FXR2: variants seen among roughly 807,000 people sequenced by gnomAD.
FXR2 encodes the protein FMR1 autosomal homolog 2.
A neutral mutation model predicts 87.3 loss-of-function variants in FXR2; 9 were observed. The observed-to-expected ratio is 0.10, with a 90% confidence interval of 0.06 to 0.18. The LOEUF is 0.18. FXR2 is among the 10% of genes least tolerant of loss of function. The pLI, the probability that FXR2 is intolerant of heterozygous loss-of-function variation, is 1.00. For synonymous variants in FXR2, 331 were observed against 328.3 expected (o/e 1.01, Z -0.09); for missense variants, 661 against 893.6 (o/e 0.74, Z 3.32).
At chr17:7,613,017 A>T (rs1012459922) in intron 1 of FXR2, among the ~76,000 whole-genome samples, 4 of 151,386 alleles carry the variant, frequency 2.6e-5, no homozygotes, top group African/African-American at 9.7e-5. Context: ...AAAAAAAAAA[A>T]AAAAATGACT....
At chr17:7,598,587 G>C (rs73242239) in intron 7 of FXR2, among the ~76,000 whole-genome samples, 49,040 of 152,020 alleles carry the variant, frequency 0.32, 8,348 homozygotes, top group African/African-American at 0.42. Context: ...CTCTCTGACC[G>C]AATTTTGTAT....
chr17:7,606,394 TG>T (rs2071803500), intron 1 of FXR2, among the ~76,000 whole-genome samples: 1 of 152,200 alleles, frequency 6.6e-6, no homozygotes, highest in Non-Finnish European at 1.5e-5. Flanking sequence ...TGGAAACCAA[TG>T]ATCTACTCAG....
At chr17:7,611,112 G>A (rs575378171) in intron 1 of FXR2, among the ~76,000 whole-genome samples, 1 of 152,202 alleles carries the variant, frequency 6.6e-6, no homozygotes, top group Non-Finnish European at 1.5e-5. Flanking sequence ...CGCCCTGGAC[G>A]GTGAATACTT....
chr17:7,602,483 G>A (rs150688657), intron 6 of FXR2, among the ~76,000 whole-genome samples: 11,734 of 152,090 alleles, frequency 0.077, 635 homozygotes, highest in Middle Eastern at 0.26. Context: ...CAGGAGAATC[G>A]CTTCAATCTG....
chr17:7,592,759 T>C lies in FXR2; in HGVS notation c.1664A>G (p.Glu555Gly), dbSNP rs760419367. The C allele has an allele frequency of 2.5e-6, 4 of 1,612,974 alleles. No individual in the cohort carries two copies. Among genetic ancestry groups the C allele is most frequent in the Middle Eastern group, 1.7e-4 (1 of 6,056 alleles). The change falls in exon 14 of 17, where the codon GAA becomes GGA. Residue 555 changes from glutamate to glycine, a missense_variant. Physicochemically the swap from Glu to Gly is moderately conservative, Grantham distance 98. Around this residue, in one of 3 missense-constraint regions of FXR2, gnomAD observed 409 missense variants for 432.0 expected, o/e 0.95. Transcript: ENST00000250113. The surrounding 1 kb of genome is among the most constrained non-coding windows in gnomAD (Gnocchi z 4.8). ...RRRSRRRRTDEDRTVMDGGLE... is the reference protein window; with the variant it reads ...RRRSRRRRTDGDRTVMDGGLE... ...GCCTCCATCCATGACGGTCCTGTCT[T>C]CATCAGTGCGGCGGCGGCGGGAGCG...
chr17:7,614,427 G>A (rs896449474), intron 1 of FXR2, 25 bp downstream of exon 1: 15 of 1,499,942 alleles, frequency 1.0e-5, no homozygotes, highest in East Asian at 2.6e-5. Context: ...AAGGACCGGC[G>A]TCCCCAGTCG....
In FXR2 at chr17:7,592,280, A is replaced by C. The variant is rs1269039546; in HGVS notation, c.1900T>G (p.Ser634Ala). The C allele has an allele frequency of 6.2e-7, 1 of 1,612,424 alleles. No individual in the cohort carries two copies. Among genetic ancestry groups the C allele is most frequent in the Admixed American group, 1.7e-5 (1 of 60,004 alleles). ...QRPPLERTKP[S>A]EDSLSGQKGD... ...TTCTGTCCTGAAAGAGAGTCTTCTG[A>C]GGGTTTAGTGCGTTCCAGGGGTGGC... The change falls in exon 16 of 17, where the codon TCA (serine) becomes GCA (alanine). Residue 634 changes from serine to alanine, a missense_variant. Around this residue, in one of 3 missense-constraint regions of FXR2, gnomAD observed 409 missense variants for 432.0 expected, o/e 0.95. Transcript: ENST00000250113. This position sits in a 1 kb window ranked among gnomAD's most constrained non-coding sequence, Gnocchi z 4.8.
chr17:7,604,371 T>C (rs1212417964), intron 3 of FXR2, among the ~76,000 whole-genome samples: 1 of 151,812 alleles, frequency 6.6e-6, no homozygotes, highest in Non-Finnish European at 1.5e-5. Flanking sequence ...TCAAGAACGA[T>C]CTGGGCAACA....
chr17:7,601,263 T>G lies in FXR2; in HGVS notation c.660+146A>C. 4 of 575,558 alleles carry G rather than the reference T, an allele frequency of 6.9e-6. No homozygotes were observed. The South Asian group carries it at 8.5e-5, about 12-fold the overall frequency. 35.7% of individuals were successfully genotyped at this position (575,558 alleles called of 1,614,324 possible). A position where few individuals can be genotyped will look rare whatever the true frequency, so the allele number is the denominator to read the frequency against. ...GATAGAGCTCTGCCATCTGGAGGAG[T>G]CTGAGATAAAATAGCTGACCCAGGT... On this transcript the variant is annotated intron_variant, in intron 7 of 16. Transcript: ENST00000250113.
chr17:7,600,775 T>G (rs1332179919), intron 7 of FXR2, among the ~76,000 whole-genome samples: 2 of 152,122 alleles, frequency 1.3e-5, no homozygotes, highest in Non-Finnish European at 2.9e-5. Context: ...TCCCAGCTAC[T>G]CAGGAGGCTG....
chr17:7,593,605 C>A lies in FXR2; in HGVS notation c.1128G>T (p.Leu376Phe), dbSNP rs866906461. The change falls in exon 12 of 17, where the codon TTG (leucine) becomes TTT (phenylalanine). Residue 376 changes from leucine (L) to phenylalanine (F), a missense_variant. By Grantham distance (22) the Leu-to-Phe change is conservative (BLOSUM62 0). This residue lies in a region of FXR2 where 409 missense variants were observed against 432.0 expected (regional missense o/e 0.95). Coordinates refer to ENST00000250113, the MANE Select transcript of FXR2 (RefSeq NM_004860.4). This position sits in a 1 kb window ranked among gnomAD's most constrained non-coding sequence, Gnocchi z 6.1. ...SYLQEVEQLRLERLQIDEQLR... is the reference protein window; with the variant it reads ...SYLQEVEQLRFERLQIDEQLR... ...GCTGCTCATCAATTTGTAGCCTCTC[C>A]AAGCGAAGCTGCTCTACCTCCTGGT... The A allele has an allele frequency of 6.3e-7, 1 of 1,590,566 alleles. No homozygotes were observed. Among genetic ancestry groups the A allele is most frequent in the East Asian group, 2.3e-5 (1 of 44,034 alleles).
chr17:7,591,314 C>G lies in FXR2; in HGVS notation c.*516G>C. ...TCTCATCCACCAGACAAGGTTGGTC[C>G]CCTCCCCAGGGGGACCTTGTCACCC... On this transcript the variant is annotated 3_prime_UTR_variant, in exon 17 of 17. Transcript: ENST00000250113. This position sits in a 1 kb window ranked among gnomAD's most constrained non-coding sequence, Gnocchi z 4.0. 6.1e-6 allele frequency: 1 copy of G among 164,520 alleles called. No homozygotes were observed. The highest frequency in any genetic ancestry group is 1.3e-5 in the Non-Finnish European group (1 of 74,436). 10.2% of individuals were successfully genotyped at this position (164,520 alleles called of 1,614,324 possible). A position where few individuals can be genotyped will look rare whatever the true frequency, so the allele number is the denominator to read the frequency against.
chr17:7,593,090 TG>T lies in FXR2; in HGVS notation c.1421del (p.Pro474GlnfsTer38). 1 of 1,595,128 alleles carries T rather than the reference TG, an allele frequency of 6.3e-7. No individual in the cohort carries two copies. Among genetic ancestry groups the T allele is most frequent in the Non-Finnish European group, 8.5e-7 (1 of 1,171,608 alleles). On this transcript the variant is annotated frameshift_variant, in exon 13 of 17. Coordinates refer to ENST00000250113, the MANE Select transcript of FXR2 (RefSeq NM_004860.4). LOFTEE classifies it high-confidence loss of function. The surrounding 1 kb of genome is among the most constrained non-coding windows in gnomAD (Gnocchi z 6.1). The stretch of plus-strand genomic sequence containing the variant: ...GCCTCCGGCTTTCTTCCCCTCGGGT[TG>T]GGGGATCCCTGTCGCCAGGCCCAGC... ...NRAGPGDRDP[P>X]TRGEESRRRP...
chr17:7,596,018 AATC>A (rs1273459253), intron 7 of FXR2, 24 bp from the exon 8 acceptor site: 2 of 1,595,570 alleles, frequency 1.3e-6, no homozygotes, highest in East Asian at 4.5e-5. Flanking sequence ...TCACTGTAGG[AATC>A]ATGGTGGTAG....
chr17:7,613,375 T>C (rs994840126), intron 1 of FXR2, among the ~76,000 whole-genome samples: 2 of 151,982 alleles, frequency 1.3e-5, no homozygotes, highest in Non-Finnish European at 2.9e-5. Flanking sequence ...AGAAAAACTC[T>C]TGGGAGGCAA....
intron 6 of FXR2, 66 bp downstream of exon 6, chr17:7,602,843 G>C (rs182364850): frequency 1.8e-5 from 14 of 781,628 alleles, no homozygotes; most frequent in Admixed American, 1.1e-4. Flanking sequence ...TCTGCAAAAG[G>C]GTTAAAAAGG....
rs778572420 is a variant in FXR2 at position 7,591,700 on chromosome 17, A to C, written c.*130T>G. Reference sequence around the variant, plus strand: ...CACTAGCTCCTGGAGGTTGGGGGGTACCCAAGCTGCTGTGCCACCCCCCTC... The same window carrying C: ...CACTAGCTCCTGGAGGTTGGGGGGTCCCCAAGCTGCTGTGCCACCCCCCTC... On this transcript the variant is annotated 3_prime_UTR_variant, in exon 17 of 17. Coordinates refer to ENST00000250113, the MANE Select transcript of FXR2 (RefSeq NM_004860.4). This position sits in a 1 kb window ranked among gnomAD's most constrained non-coding sequence, Gnocchi z 4.0. 4.3e-6 allele frequency: 3 copies of C among 702,352 alleles called. No individual in the cohort carries two copies. Among genetic ancestry groups the C allele is most frequent in the Non-Finnish European group, 7.9e-6 (3 of 379,410 alleles). 43.5% of individuals were successfully genotyped at this position (702,352 alleles called of 1,614,324 possible). A position where few individuals can be genotyped will look rare whatever the true frequency, so the allele number is the denominator to read the frequency against.
chr17:7,602,916 A>G lies in FXR2; in HGVS notation c.536T>C (p.Phe179Ser). ...CAGGCAGAATAAACTCACCAGAATG[A>G]AGAGCTCACTGTTTGTGATGTTGAG... Reference protein sequence around the residue: ...IFLNITNSELFILSTTEAPVK... With the variant: ...IFLNITNSELSILSTTEAPVK... Residue 179 changes from phenylalanine to serine, a missense_variant, in exon 6 of 17, where the codon TTC becomes TCC. Phe to Ser is a radical substitution (Grantham distance 155). Transcript: ENST00000250113. 1 of 1,475,046 alleles carries G rather than the reference A, an allele frequency of 6.8e-7. No homozygotes were observed. The highest frequency in any genetic ancestry group is 9.5e-7 in the Non-Finnish European group (1 of 1,054,916). 91.4% of individuals were successfully genotyped at this position (1,475,046 alleles called of 1,614,324 possible). A position where few individuals can be genotyped will look rare whatever the true frequency, so the allele number is the denominator to read the frequency against.
At chr17:7,606,304 A>G (rs556506645) in intron 1 of FXR2, among the ~76,000 whole-genome samples, 155 bp from the exon 2 acceptor site, 1 of 152,148 alleles carries the variant, frequency 6.6e-6, no homozygotes, top group African/African-American at 2.4e-5. Flanking sequence ...TGCACTGGGG[A>G]AAGAATATGG....
Sources: gnomAD v4.1 joint callset for allele counts (sites outside exome capture counted in the v4.1 genomes callset) on GRCh38, gnomAD v4.1.1 for gene constraint, gnomAD v4.1.1 regional missense constraint, Gnocchi (gnomAD v3.1) non-coding constraint, MANE v1.5 for transcripts, NCBI Gene and HGNC (gene_info 2026-07-23, HGNC 2026-07-21) for gene names.